Variants in SUPT3H observed in about 807,000 individuals in gnomAD.
SUPT3H encodes transcription initiation protein SPT3 homolog.
In SUPT3H, 44 loss-of-function variants were observed where a neutral mutation model predicts 44.3. The observed-to-expected ratio is 0.99, with a 90% CI of 0.78 to 1.28. The LOEUF is 1.28. SUPT3H is among the 50% of genes most tolerant of loss of function. The pLI is 0.00. For synonymous variants in SUPT3H, 124 were observed against 125.6 expected (o/e 0.99, Z 0.09); for missense variants, 380 against 387.1 (o/e 0.98, Z 0.15).
chr6:45,354,605 G>A (rs959543122), intron 2 of SUPT3H, among the ~76,000 whole-genome samples: 5 of 145,024 alleles, frequency 3.4e-5, no homozygotes, highest in Non-Finnish European at 7.6e-5. Flanking sequence ...TATTCAAACA[G>A]TAACTACACA....
At chr6:44,863,824 C>T (rs148261474) in intron 10 of SUPT3H, among the ~76,000 whole-genome samples, 34 of 152,170 alleles carry the variant, frequency 2.2e-4, no homozygotes, top group African/African-American at 5.8e-4. Flanking sequence ...CGTCTCACAT[C>T]GCAGCAGGCA....
intron 2 of SUPT3H, among the ~76,000 whole-genome samples, chr6:45,338,634 A>G (rs10948229): frequency 0.41 from 62,962 of 151,904 alleles, 13,866 homozygotes; most frequent in Non-Finnish European, 0.5. Flanking sequence ...AAATAATAAT[A>G]CTATCTTTCT....
At chr6:45,329,863 C>G (rs1170701495) in intron 2 of SUPT3H, among the ~76,000 whole-genome samples, 4 of 151,844 alleles carry the variant, frequency 2.6e-5, no homozygotes, top group Non-Finnish European at 5.9e-5. Context: ...CCAACATGTT[C>G]CAACTACAAG....
chr6:45,209,812 T>C (rs1374671787), intron 2 of SUPT3H, among the ~76,000 whole-genome samples: 1 of 152,164 alleles, frequency 6.6e-6, no homozygotes, highest in Non-Finnish European at 1.5e-5. Flanking sequence ...GAGAAATCTT[T>C]TGTGAAAGCA....
chr6:44,966,751 G>A (rs980469026), intron 6 of SUPT3H, among the ~76,000 whole-genome samples: 3 of 152,056 alleles, frequency 2.0e-5, no homozygotes, highest in Non-Finnish European at 2.9e-5. Context: ...TGGCTATTCC[G>A]TATAGTCATT....
At chr6:45,192,101 C>G (rs764229093) in intron 2 of SUPT3H, among the ~76,000 whole-genome samples, 1 of 152,056 alleles carries the variant, frequency 6.6e-6, no homozygotes, top group Non-Finnish European at 1.5e-5. Flanking sequence ...ATCTGTTAGT[C>G]CAGTACTCCC....
intron 2 of SUPT3H, among the ~76,000 whole-genome samples, chr6:45,290,027 AAAGT>A (rs1156428784): frequency 1.3e-5 from 2 of 151,996 alleles, no homozygotes; most frequent in Non-Finnish European, 2.9e-5. Flanking sequence ...AAAATTTTAA[AAAGT>A]TAGTCAGGCG....
chr6:45,119,824 G>T (rs1304829419), intron 2 of SUPT3H, among the ~76,000 whole-genome samples: 1 of 151,882 alleles, frequency 6.6e-6, no homozygotes, highest in Non-Finnish European at 1.5e-5. Context: ...TATTCAAAAA[G>T]GAACCAGATT....
chr6:44,883,038 C>A (rs1746879285), intron 10 of SUPT3H, among the ~76,000 whole-genome samples: 1 of 152,090 alleles, frequency 6.6e-6, no homozygotes, highest in African/African-American at 2.4e-5. Flanking sequence ...CTGGCCAGGG[C>A]AATCAGGCAA....
In SUPT3H at chr6:45,017,954, G is replaced by A. The variant is rs1189760941; in HGVS notation, c.273+2592C>T. On this transcript the variant is annotated intron_variant, in intron 4 of 10. Transcript: ENST00000371459. ...CCTTGGGCAGTATGGCCATTTTCAC[G>A]ATATTGATTCTTCCTACCCATGAGC... Among the ~76,000 whole-genome samples, 3 of 150,402 alleles carry A rather than the reference G, an allele frequency of 2.0e-5. No homozygotes were observed. In the East Asian group the frequency reaches 5.8e-4, roughly 29 times the overall value.
chr6:45,333,153 T>G (rs558366902), intron 2 of SUPT3H, among the ~76,000 whole-genome samples: 35 of 151,816 alleles, frequency 2.3e-4, no homozygotes, highest in African/African-American at 8.2e-4. Flanking sequence ...CATAATGAAA[T>G]TTTATGCCTT....
intron 5 of SUPT3H, among the ~76,000 whole-genome samples, chr6:45,006,403 T>C (rs1291862523): frequency 3.3e-5 from 5 of 152,104 alleles, no homozygotes; most frequent in Non-Finnish European, 7.4e-5. Flanking sequence ...TTGGCCATGT[T>C]GATAGTCCTT....
chr6:44,883,389 T>A (rs1410021772), intron 10 of SUPT3H, among the ~76,000 whole-genome samples: 1 of 152,060 alleles, frequency 6.6e-6, no homozygotes, highest in Non-Finnish European at 1.5e-5. Flanking sequence ...CACAAACAAA[T>A]GGAAAAACAT....
At chr6:44,935,609 TC>T (rs1303320466) in intron 9 of SUPT3H, among the ~76,000 whole-genome samples, 1 of 152,180 alleles carries the variant, frequency 6.6e-6, no homozygotes, top group Non-Finnish European at 1.5e-5. Flanking sequence ...ATATGTCAGG[TC>T]CTCTTCCTCT....
At chr6:45,302,454 T>C (rs1310471000) in intron 2 of SUPT3H, among the ~76,000 whole-genome samples, 4 of 132,752 alleles carry the variant, frequency 3.0e-5, no homozygotes, top group African/African-American at 1.0e-4. Context: ...GGCTGAGTAG[T>C]ATTCCATATA....
At chr6:44,868,165 T>G (rs191977301) in intron 10 of SUPT3H, among the ~76,000 whole-genome samples, 3 of 152,318 alleles carry the variant, frequency 2.0e-5, no homozygotes, top group African/African-American at 7.2e-5. Context: ...TCATTTACAC[T>G]CAACTCACAA....
chr6:45,288,547 GTATATATATATATATA>G (rs58524677), intron 2 of SUPT3H, among the ~76,000 whole-genome samples: 65,420 of 125,330 alleles, frequency 0.52, 17,914 homozygotes, highest in East Asian at 0.7. Context: ...GTGTGTGTGT[GTATATATATATATATA>G]TGTATATATA....
At chr6:44,837,583 A>G (rs1241928220) in intron 10 of SUPT3H, among the ~76,000 whole-genome samples, 1 of 152,202 alleles carries the variant, frequency 6.6e-6, no homozygotes, top group Non-Finnish European at 1.5e-5. Context: ...CAATGTTGCA[A>G]AGCAGTTATT....
chr6:44,928,905 G>GAAAAAAAAA (rs1210373765), intron 10 of SUPT3H, among the ~76,000 whole-genome samples: 2 of 62,932 alleles, frequency 3.2e-5, no homozygotes, highest in Non-Finnish European at 5.1e-5. Context: ...AAAAAAAAAA[G>GAAAAAAAAA]AAAAGAAAAG....
Sources: allele counts gnomAD v4.1 joint callset (sites outside exome capture counted in the v4.1 genomes callset), GRCh38; gene constraint gnomAD v4.1.1; transcripts MANE v1.5; gene names NCBI Gene and HGNC (gene_info 2026-07-23, HGNC 2026-07-21).